FAM227B: variants seen among roughly 807,000 people sequenced by gnomAD.
FAM227B encodes the protein protein FAM227B.
A neutral mutation model predicts 73.8 loss-of-function variants in FAM227B; 88 were observed. The observed-to-expected ratio is 1.19, with a 90% confidence interval of 1.00 to 1.42. FAM227B has a LOEUF of 1.42. Ranked by LOEUF, FAM227B falls within the 40% of genes most tolerant of loss-of-function variation. The pLI is 0.00. For synonymous variants in FAM227B, 210 were observed against 190.5 expected, an observed-to-expected ratio of 1.10 and a Z score of -0.84; for missense variants, 632 against 590.9, an observed-to-expected ratio of 1.07 and a Z score of -0.72.
chr15:49,600,221 G>A (rs2077103811), intron 3 of FAM227B, among the ~76,000 whole-genome samples: 1 of 152,054 alleles, frequency 6.6e-6, no homozygotes, highest in Non-Finnish European at 1.5e-5. Flanking sequence ...GATAGAAGTA[G>A]AGCTATCCTA....
chr15:49,483,763 T>C (rs1368429673), intron 11 of FAM227B, among the ~76,000 whole-genome samples: 1 of 152,066 alleles, frequency 6.6e-6, no homozygotes, highest in East Asian at 1.9e-4. Context: ...TAATAAAATA[T>C]AATTGGCTTT....
chr15:49,375,665 A>C (rs1172670777), intron 11 of FAM227B, among the ~76,000 whole-genome samples: 3 of 152,116 alleles, frequency 2.0e-5, no homozygotes, highest in Non-Finnish European at 4.4e-5. Flanking sequence ...CCCATTTAAA[A>C]ATCTTTCCTA....
intron 11 of FAM227B, among the ~76,000 whole-genome samples, chr15:49,471,209 G>C (rs968598788): frequency 5.9e-5 from 9 of 152,072 alleles, no homozygotes; most frequent in Admixed American, 2.6e-4. Flanking sequence ...TGTGAGGCCG[G>C]ATACAGTGAC....
Position 49,327,824 on chromosome 15 carries a change from A to G in FAM227B, c.*744T>C, listed in dbSNP as rs1378419019. 3 of 787,534 alleles carry G rather than the reference A, an allele frequency of 3.8e-6. No individual in the cohort carries two copies. Among genetic ancestry groups the G allele is most frequent in the Non-Finnish European group, 5.9e-6 (3 of 511,778 alleles). 48.8% of individuals were successfully genotyped at this position (787,534 alleles called of 1,614,324 possible). A position where few individuals can be genotyped will look rare whatever the true frequency, so the allele number is the denominator to read the frequency against. On this transcript the variant is annotated 3_prime_UTR_variant, in exon 16 of 16. Coordinates refer to ENST00000299338, the MANE Select transcript of FAM227B (RefSeq NM_152647.3). ...ATGTCTTAATGTCCTAAAATGTTTG[A>G]TGACACCTAAAAACCCCGCATGTAT... is the stretch of plus-strand genomic sequence containing the variant.
chr15:49,367,866 G>GA (rs34096112), intron 12 of FAM227B: 34,089 of 116,672 alleles, frequency 0.29, 5,291 homozygotes, highest in Non-Finnish European at 0.4. Flanking sequence ...CTTAAGAACA[G>GA]AAAAAAAAAA....
chr15:49,483,522 T>G (rs543024592), intron 11 of FAM227B, among the ~76,000 whole-genome samples: 1 of 152,052 alleles, frequency 6.6e-6, no homozygotes, highest in Non-Finnish European at 1.5e-5. Context: ...TAAAATTCCA[T>G]GTGCATTTTA....
At chr15:49,393,467 A>G (rs1237839077) in intron 11 of FAM227B, among the ~76,000 whole-genome samples, 3 of 152,168 alleles carry the variant, frequency 2.0e-5, no homozygotes, top group Admixed American at 6.5e-5. Context: ...TAATTCCATT[A>G]TTTTAAAAAA....
intron 3 of FAM227B, among the ~76,000 whole-genome samples, chr15:49,600,805 G>A (rs886277606): frequency 6.6e-6 from 1 of 151,902 alleles, no homozygotes; most frequent in African/African-American, 2.4e-5. Context: ...CACTTCGGGA[G>A]GTTGAGGTGG....
chr15:49,470,004 G>GAGGATGGCATT (rs935590099), intron 11 of FAM227B, among the ~76,000 whole-genome samples: 2 of 152,124 alleles, frequency 1.3e-5, no homozygotes, highest in Non-Finnish European at 2.9e-5. Context: ...GCATTAAATA[G>GAGGATGGCATT]AAATGGTAGC....
chr15:49,354,415 G>A (rs1355599699), intron 13 of FAM227B, among the ~76,000 whole-genome samples: 6 of 151,834 alleles, frequency 4.0e-5, no homozygotes, highest in Admixed American at 6.6e-5. Flanking sequence ...GAAGCAGGGC[G>A]AGGCATTGCC....
At chr15:49,407,642 ATATTATATTAT>A (rs988697973) in intron 11 of FAM227B, among the ~76,000 whole-genome samples, 9 of 147,948 alleles carry the variant, frequency 6.1e-5, no homozygotes, top group African/African-American at 2.2e-4. Flanking sequence ...TTTAATATAT[ATATTATATTAT>A]TATTATATTA....
chr15:49,335,612 G>C, intron 13 of FAM227B, 116 bp from the exon 14 acceptor site: 4 of 646,934 alleles, frequency 6.2e-6, no homozygotes, highest in Non-Finnish European at 8.2e-6. Context: ...GTAATGAAGA[G>C]TCTCAAGTAT....
At chr15:49,507,096 A>G (rs2058639973) in intron 11 of FAM227B, among the ~76,000 whole-genome samples, 1 of 148,776 alleles carries the variant, frequency 6.7e-6, no homozygotes, top group African/African-American at 2.4e-5. Context: ...CCCACCCCCC[A>G]TAACAATATA....
At chr15:49,556,491 G>T (rs1321294103) in intron 9 of FAM227B, among the ~76,000 whole-genome samples, 1 of 152,184 alleles carries the variant, frequency 6.6e-6, no homozygotes, top group African/African-American at 2.4e-5. Flanking sequence ...ATTCTGATGT[G>T]TGGTGCCAGC....
intron 9 of FAM227B, among the ~76,000 whole-genome samples, chr15:49,559,533 C>G (rs1014115348): frequency 6.6e-6 from 1 of 152,090 alleles, no homozygotes; most frequent in African/African-American, 2.4e-5. Context: ...AACCAGCCCA[C>G]GGAAGTGCAT....
At chr15:49,415,073 T>C (rs2151704165) in intron 11 of FAM227B, among the ~76,000 whole-genome samples, 1 of 152,318 alleles carries the variant, frequency 6.6e-6, no homozygotes, top group South Asian at 2.1e-4. Context: ...ACTTTTACTC[T>C]GCCTCTTTTT....
At chr15:49,387,385 A>T (rs2046948677) in intron 11 of FAM227B, among the ~76,000 whole-genome samples, 1 of 151,952 alleles carries the variant, frequency 6.6e-6, no homozygotes, top group Non-Finnish European at 1.5e-5. Context: ...AGAATTAAAA[A>T]CAAAAACTAT....
chr15:49,378,908 T>A (rs1348256099), intron 11 of FAM227B, among the ~76,000 whole-genome samples: 1 of 152,174 alleles, frequency 6.6e-6, no homozygotes, highest in Non-Finnish European at 1.5e-5. Context: ...TTTTCCTCAC[T>A]CAATATAATA....
intron 11 of FAM227B, chr15:49,487,648 G>A (rs1192594276): frequency 6.6e-6 from 1 of 151,766 alleles, no homozygotes; most frequent in Admixed American, 6.6e-5. Flanking sequence ...CTAAAACAGT[G>A]CCCCTTACGA....
Sources: gnomAD v4.1 joint callset for allele counts (sites outside exome capture counted in the v4.1 genomes callset) on GRCh38, gnomAD v4.1.1 for gene constraint, MANE v1.5 for transcripts, NCBI Gene and HGNC (gene_info 2026-07-23, HGNC 2026-07-21) for gene names.